The following ATP1B4 variants were observed in gnomAD, a reference collection of about 807,000 sequenced individuals.
The protein encoded by ATP1B4 is ATPase Na+/K+ transporting family member beta 4, also known as protein ATP1B4.
Under a neutral mutation model 29.6 loss-of-function variants are expected in ATP1B4, and 32 were observed. The observed-to-expected ratio is 1.08, with a 90% confidence interval of 0.82 to 1.45. The LOEUF is 1.45. ATP1B4 is among the 40% of genes most tolerant of loss of function. The probability of loss-of-function intolerance (pLI) is 0.00; values close to 1 mark genes in which losing one functional copy is unlikely to be tolerated. For missense variants in ATP1B4, 323 were observed against 276.2 expected (o/e 1.17, Z -1.20); for synonymous variants, 127 against 102.1 (o/e 1.24, Z -1.47).
At position 120,376,196 on chromosome X, in the gene ATP1B4, G is replaced by A. The variant is rs187323612; in HGVS notation, c.760-184G>A. 3.6e-5 allele frequency among the ~76,000 whole-genome samples: 4 copies of A among 111,632 alleles called. No individual in the cohort carries two copies. In the East Asian group the frequency reaches 1.1e-3, roughly 31 times the overall value. On this transcript the variant is annotated intron_variant, in intron 5 of 7. Transcript: ENST00000218008. ...CAGGCATAAATACAACACGGAGTAA[G>A]CTGAGCTGCTTAGCTCTGAAGATGT...
At position 120,379,858 on chromosome X, in the gene ATP1B4, C is replaced by A. The variant is rs2058374325; in HGVS notation, c.*224C>A. 3.2e-6 allele frequency: 1 copy of A among 314,612 alleles called. No individual in the cohort carries two copies. The highest frequency in any genetic ancestry group is 5.4e-6 in the Non-Finnish European group (1 of 184,925). 25.9% of individuals were successfully genotyped at this position (314,612 alleles called of 1,213,427 possible). A position where few individuals can be genotyped will look rare whatever the true frequency, so the allele number is the denominator to read the frequency against. ...ATGACAAACAGAGTATATTAATTTC[C>A]TTTCCCTCCACTTAAAACTAAAGCC... On this transcript the variant is annotated 3_prime_UTR_variant, in exon 8 of 8. Coordinates refer to ENST00000218008, the MANE Select transcript of ATP1B4 (RefSeq NM_001142447.3).
chrX:120,375,335 G>T, intron 4 of ATP1B4, 37 bp from the exon 5 acceptor site: 1 of 1,157,730 alleles, frequency 8.6e-7, no homozygotes, highest in Non-Finnish European at 1.2e-6. Context: ...TGTAGCACCT[G>T]TCTAACATAA....
rs369061001 is a variant in ATP1B4 at position 120,370,860 on chromosome X, G to A, written c.457+17G>A. 5 of 1,203,763 alleles carry A rather than the reference G, an allele frequency of 4.2e-6. No individual in the cohort carries two copies. The South Asian group carries it at 5.5e-5, about 13-fold the overall frequency. On this transcript the variant is annotated intron_variant, in intron 3 of 7. Coordinates refer to ENST00000218008, the MANE Select transcript of ATP1B4 (RefSeq NM_001142447.3). ...AGCCTCCTGGTGAGTGTGCCCAGAT[G>A]CCCTGTGTTGTCAGAACTTGCTGGA...
chrX:120,375,103 G>T (rs1252395005), intron 4 of ATP1B4, among the ~76,000 whole-genome samples: 1 of 109,007 alleles, frequency 9.2e-6, no homozygotes, highest in African/African-American at 3.3e-5. Context: ...ACCCAGAGAT[G>T]GATATCCAGA....
chrX:120,372,421 A>G (rs2058318184), intron 4 of ATP1B4, among the ~76,000 whole-genome samples: 1 of 112,084 alleles, frequency 8.9e-6, no homozygotes, highest in Admixed American at 9.5e-5. Context: ...ATTTAACTTT[A>G]ACTCTGCATA....
chrX:120,378,979 C>T (rs1184697112), intron 7 of ATP1B4, among the ~76,000 whole-genome samples: 2 of 111,241 alleles, frequency 1.8e-5, no homozygotes, highest in Non-Finnish European at 3.8e-5. Context: ...CCTAATTTAA[C>T]CTTTTAAGTT....
chrX:120,375,269 A>T, intron 4 of ATP1B4, 103 bp from the exon 5 acceptor site: 1 of 753,852 alleles, frequency 1.3e-6, no homozygotes, highest in Non-Finnish European at 2.0e-6. Context: ...AGGAGTACAA[A>T]CAAGCTGGAG....
chrX:120,369,327 T>G (rs960927292), intron 2 of ATP1B4, among the ~76,000 whole-genome samples: 2 of 112,666 alleles, frequency 1.8e-5, no homozygotes, highest in African/African-American at 3.2e-5. Context: ...CATGTTCCAG[T>G]TCTGCTTTAG....
At chrX:120,374,065 G>C (rs756726079) in intron 4 of ATP1B4, among the ~76,000 whole-genome samples, 4 of 111,256 alleles carry the variant, frequency 3.6e-5, no homozygotes, top group Non-Finnish European at 7.5e-5. Flanking sequence ...TCTAGACAGA[G>C]CTGATTTATC....
intron 1 of ATP1B4, among the ~76,000 whole-genome samples, chrX:120,362,685 T>C (rs1389816150): frequency 9.0e-6 from 1 of 111,562 alleles, no homozygotes; most frequent in Non-Finnish European, 1.9e-5. Context: ...AAGTAGAAAT[T>C]CCAAACTATA....
chrX:120,362,341 C>T, intron 1 of ATP1B4, 110 bp downstream of exon 1: 1 of 739,438 alleles, frequency 1.4e-6, no homozygotes, highest in Non-Finnish European at 2.1e-6. Flanking sequence ...TTGAGACGGG[C>T]AGAAACAGCG....
At chrX:120,366,956 T>C (rs2058289431) in intron 2 of ATP1B4, among the ~76,000 whole-genome samples, 167 bp downstream of exon 2, 1 of 112,386 alleles carries the variant, frequency 8.9e-6, no homozygotes, top group African/African-American at 3.2e-5. Flanking sequence ...ACAGATTCCA[T>C]CAGAACAAAC....
Position 120,376,437 on chromosome X carries a change from G to T in ATP1B4, c.816+1G>T. On this transcript the variant is annotated splice_donor_variant, in intron 6 of 7. Coordinates refer to ENST00000218008, the MANE Select transcript of ATP1B4 (RefSeq NM_001142447.3). LOFTEE classifies it high-confidence loss of function. ...TGTGAAGGTTTCCTGCAAAGTTCAG[G>T]TAAAGAGTCCTTTTGAGTAAGCATT... 8.3e-7 allele frequency: 1 copy of T among 1,206,012 alleles called. No individual in the cohort carries two copies. The highest frequency in any genetic ancestry group is 1.1e-6 in the Non-Finnish European group (1 of 890,456).
At chrX:120,362,431 G>A (rs1040396726) in intron 1 of ATP1B4, among the ~76,000 whole-genome samples, 200 bp downstream of exon 1, 1 of 111,521 alleles carries the variant, frequency 9.0e-6, no homozygotes. Context: ...TGGATAAAAG[G>A]AGGAAGCCCC....
chrX:120,366,407 A>G (rs1268723898), intron 1 of ATP1B4, 118 bp from the exon 2 acceptor site: 1 of 843,522 alleles, frequency 1.2e-6, no homozygotes, highest in African/African-American at 2.1e-5. Flanking sequence ...TGTTTATGGG[A>G]AAGTGGAAAT....
intron 4 of ATP1B4, among the ~76,000 whole-genome samples, chrX:120,374,959 T>G (rs1356904877): frequency 9.8e-6 from 1 of 101,957 alleles, no homozygotes; most frequent in Non-Finnish European, 2.0e-5. Context: ...TTTCAGTCCC[T>G]CTTCCAAAAT....
intron 4 of ATP1B4, 30 bp downstream of exon 4, chrX:120,371,240 C>T: frequency 6.2e-6 from 7 of 1,132,927 alleles, no homozygotes; most frequent in Non-Finnish European, 7.3e-6. Flanking sequence ...TAGTGGAAAG[C>T]TCTTTTGAAA....
chrX:120,375,317 C>G (rs2058347036), intron 4 of ATP1B4, 55 bp from the exon 5 acceptor site: 1 of 1,082,040 alleles, frequency 9.2e-7, no homozygotes, highest in Middle Eastern at 2.6e-4. Context: ...GAACGCACGG[C>G]CTTCCCCTGT....
In ATP1B4 at chrX:120,379,437, C is replaced by CCCCACA. The variant is rs748939919; in HGVS notation, c.913-34_913-29dup. The CCCCACA allele has an allele frequency of 4.3e-6, 5 of 1,175,386 alleles. No individual in the cohort carries two copies. In the Admixed American group the frequency reaches 1.1e-4, roughly 27 times the overall value. On this transcript the variant is annotated intron_variant, in intron 7 of 7. Transcript: ENST00000218008. ...TCTGATCACTTCCCTCCTACCACCT[C>CCCCACA]CCCACACTTAGAATTCATTTTTCTT...
Sources: allele counts gnomAD v4.1 joint callset (sites outside exome capture counted in the v4.1 genomes callset), GRCh38; gene constraint gnomAD v4.1.1; transcripts MANE v1.5; gene names NCBI Gene and HGNC (gene_info 2026-07-23, HGNC 2026-07-21).